The following SMAD2 variants were observed in gnomAD, a reference collection of about 807,000 sequenced individuals.
SMAD2 encodes MAD homolog 2.
A neutral mutation model predicts 64.4 loss-of-function variants in SMAD2; 8 were observed. That is an observed-to-expected ratio of 0.12 (90% CI 0.07 to 0.22). The LOEUF (loss-of-function observed/expected upper bound fraction) is 0.22, where lower values mean the gene tolerates loss of function less well. Among genes scored for constraint, SMAD2 ranks in the 10% least tolerant of loss-of-function variants. The pLI, the probability that SMAD2 is intolerant of heterozygous loss-of-function variation, is 1.00. For missense variants in SMAD2, 289 were observed against 561.2 expected, an observed-to-expected ratio of 0.51 and a Z score of 4.90; for synonymous variants, 203 against 195.8, an observed-to-expected ratio of 1.04 and a Z score of -0.31.
At chr18:47,906,231 C>T (rs1420058073) in intron 1 of SMAD2, among the ~76,000 whole-genome samples, 1 of 151,942 alleles carries the variant, frequency 6.6e-6, no homozygotes, top group Non-Finnish European at 1.5e-5. Flanking sequence ...ACCAACATGA[C>T]ACCCCCAAAA....
At position 47,881,847 on chromosome 18, in the gene SMAD2, G is replaced by C. The variant is rs1419741809; in HGVS notation, c.237-11283C>G. On this transcript the variant is annotated intron_variant, in intron 2 of 10. Coordinates refer to ENST00000262160, the MANE Select transcript of SMAD2 (RefSeq NM_005901.6). ...AGGTGATCTTATAGTTTCCCTCCTT[G>C]GTTAATGCAGTAAATTACATAGTTT... Among the ~76,000 whole-genome samples the C allele has an allele frequency of 3.9e-5, 6 of 152,090 alleles. No homozygotes were observed. The East Asian group carries it at 1.2e-3, about 29-fold the overall frequency.
intron 1 of SMAD2, among the ~76,000 whole-genome samples, chr18:47,905,157 T>C (rs919539601): frequency 2.0e-5 from 3 of 152,182 alleles, no homozygotes; most frequent in African/African-American, 7.2e-5. Flanking sequence ...TAAGTAAATT[T>C]AGCAAGGTTT....
intron 3 of SMAD2, 116 bp downstream of exon 3, chr18:47,870,359 T>G: frequency 2.6e-6 from 2 of 755,416 alleles, no homozygotes; most frequent in Non-Finnish European, 4.8e-6. Flanking sequence ...TATGCCTTAT[T>G]TTACATTAAG....
At chr18:47,866,316 CAAAAAAAAAA>C (rs34302955) in intron 5 of SMAD2, among the ~76,000 whole-genome samples, 3 of 42,096 alleles carry the variant, frequency 7.1e-5, no homozygotes, top group South Asian at 2.9e-3. Context: ...AACACCGTCT[CAAAAAAAAAA>C]AAAAAAAAAA....
chr18:47,875,839 C>A (rs2032232874), intron 2 of SMAD2, among the ~76,000 whole-genome samples: 1 of 151,996 alleles, frequency 6.6e-6, no homozygotes, highest in East Asian at 1.9e-4. Context: ...CTCAAAGTAA[C>A]CTGCAAGTTA....
chr18:47,857,007 G>A (rs1157583494), intron 6 of SMAD2, among the ~76,000 whole-genome samples: 3 of 151,452 alleles, frequency 2.0e-5, no homozygotes, highest in Non-Finnish European at 2.9e-5. Flanking sequence ...ACAGGCGCCC[G>A]CCACTACGCC....
At chr18:47,923,654 T>C (rs1331464845) in intron 1 of SMAD2, 1 of 152,220 alleles carries the variant, frequency 6.6e-6, no homozygotes, top group African/African-American at 2.4e-5. Context: ...GTGGTGAGGA[T>C]GAGAGGAAAA....
intron 2 of SMAD2, chr18:47,895,836 A>G (rs1358401891): frequency 6.5e-6 from 1 of 152,742 alleles, no homozygotes; most frequent in Non-Finnish European, 1.5e-5. Context: ...CTATCATTTT[A>G]GAGAATTCTT....
chr18:47,838,656 T>C lies in SMAD2; in HGVS notation c.*3171A>G, dbSNP rs1053094910. The C allele has an allele frequency of 3.9e-5, 9 of 232,950 alleles. No individual in the cohort carries two copies. Among genetic ancestry groups the C allele is most frequent in the African/African-American group, 2.0e-4 (9 of 45,452 alleles). 14.4% of individuals were successfully genotyped at this position (232,950 alleles called of 1,614,324 possible). ...TTATATTTTTCTAATCGTTGACCAG[T>C]GGTTATAAAGACTTTCTGAGCTTCT... On this transcript the variant is annotated 3_prime_UTR_variant, in exon 11 of 11. Transcript: ENST00000262160.
At chr18:47,857,891 G>A (rs2144340828) in intron 6 of SMAD2, among the ~76,000 whole-genome samples, 1 of 152,306 alleles carries the variant, frequency 6.6e-6, no homozygotes, top group African/African-American at 2.4e-5. Context: ...AGAATATGCA[G>A]TCTTGCCATA....
In SMAD2 at chr18:47,824,628, G is replaced by A. The variant is rs956554113; in HGVS notation, c.*17199C>T. The stretch of plus-strand genomic sequence containing the variant: ...TATTACACCTGAAAACTAAATTCTA[G>A]CTGATCAATAAAATTCTTTGGTTCT... On this transcript the variant is annotated 3_prime_UTR_variant, in exon 11 of 11. Coordinates refer to ENST00000262160, the MANE Select transcript of SMAD2 (RefSeq NM_005901.6). 3.9e-5 allele frequency: 6 copies of A among 152,162 alleles called. No individual in the cohort carries two copies. Among genetic ancestry groups the A allele is most frequent in the African/African-American group, 1.4e-4 (6 of 41,506 alleles). 9.4% of individuals were successfully genotyped at this position (152,162 alleles called of 1,614,324 possible). A position where few individuals can be genotyped will look rare whatever the true frequency, so the allele number is the denominator to read the frequency against.
chr18:47,861,821 C>T (rs1424319744), intron 6 of SMAD2, among the ~76,000 whole-genome samples: 8 of 152,230 alleles, frequency 5.3e-5, no homozygotes, highest in Admixed American at 5.2e-4. Context: ...CTCCTCTTAA[C>T]ATTTTAACTA....
At chr18:47,884,256 TCA>T (rs2032766319) in intron 2 of SMAD2, among the ~76,000 whole-genome samples, 1 of 152,158 alleles carries the variant, frequency 6.6e-6, no homozygotes, top group South Asian at 2.1e-4. Flanking sequence ...CACATATAGT[TCA>T]CACTTATTAA....
intron 7 of SMAD2, 51 bp downstream of exon 7, chr18:47,851,223 A>C: frequency 8.2e-7 from 1 of 1,222,582 alleles, no homozygotes; most frequent in Non-Finnish European, 1.2e-6. Context: ...TTTTATTATT[A>C]AGTAGGTGAT....
intron 7 of SMAD2, among the ~76,000 whole-genome samples, chr18:47,850,613 TATTATATATTATA>T (rs1915320868): frequency 1.7e-5 from 1 of 59,654 alleles, no homozygotes; most frequent in Non-Finnish European, 2.6e-5. Context: ...GTATAATATA[TATTATATATTATA>T]TATATATTAT....
At chr18:47,924,986 T>C (rs1426725636) in intron 1 of SMAD2, among the ~76,000 whole-genome samples, 1 of 152,194 alleles carries the variant, frequency 6.6e-6, no homozygotes, top group Non-Finnish European at 1.5e-5. Flanking sequence ...CTCAAACTAA[T>C]GAACAGATGG....
rs1198794562 is a variant in SMAD2 at position 47,838,375 on chromosome 18, G to GA, written c.*3451dup. The stretch of plus-strand genomic sequence containing the variant: ...TTCTGCCAAAGTGACAGGTCCTGAG[G>GA]AAAAAAAACACAACCTCTACAAGAC... On this transcript the variant is annotated 3_prime_UTR_variant, in exon 11 of 11. Coordinates refer to ENST00000262160, the MANE Select transcript of SMAD2 (RefSeq NM_005901.6). The GA allele has an allele frequency of 6.4e-5, 15 of 232,584 alleles. No homozygotes were observed. The highest frequency in any genetic ancestry group is 1.2e-4 in the Non-Finnish European group (14 of 117,800). 14.4% of individuals were successfully genotyped at this position (232,584 alleles called of 1,614,324 possible).
intron 2 of SMAD2, among the ~76,000 whole-genome samples, chr18:47,892,776 G>C (rs958208197): frequency 5.3e-5 from 8 of 152,220 alleles, no homozygotes; most frequent in Non-Finnish European, 7.4e-5. Flanking sequence ...ACAATATTCT[G>C]ATTATTTCCT....
At chr18:47,902,085 G>GA (rs888746934) in intron 1 of SMAD2, among the ~76,000 whole-genome samples, 166 of 152,174 alleles carry the variant, frequency 1.1e-3, no homozygotes, top group African/African-American at 3.9e-3. Context: ...CTGAACTACA[G>GA]AATTTAGGAA....
Sources: allele counts gnomAD v4.1 joint callset (sites outside exome capture counted in the v4.1 genomes callset), GRCh38; gene constraint gnomAD v4.1.1; transcripts MANE v1.5; gene names NCBI Gene and HGNC (gene_info 2026-07-23, HGNC 2026-07-21).